The following HLA-F variants were observed in gnomAD, a reference collection of about 807,000 sequenced individuals.
HLA-F encodes the protein HLA class I histocompatibility antigen, alpha chain F.
In HLA-F, 46 loss-of-function variants were observed where a neutral mutation model predicts 49.5. The ratio of observed to expected loss-of-function variants is 0.93; its 90% CI spans 0.73 to 1.19. HLA-F has a LOEUF of 1.19. HLA-F is among the 50% of genes most tolerant of loss of function. The pLI is 0.00. For missense variants in HLA-F, 496 were observed against 579.6 expected, an observed-to-expected ratio of 0.86 and a Z score of 1.48; for synonymous variants, 203 against 233.5, an observed-to-expected ratio of 0.87 and a Z score of 1.19.
chr6:29,726,481 C>A, intron 6 of HLA-F: 1 of 1,583,392 alleles, frequency 6.3e-7, no homozygotes. Flanking sequence ...CACGAACATA[C>A]ATAAATTTTA....
chr6:29,725,886 C>A, intron 5 of HLA-F, 125 bp from the exon 6 acceptor site: 3 of 1,062,176 alleles, frequency 2.8e-6, no homozygotes, highest in Non-Finnish European at 4.3e-6. Context: ...ATTTCTTGAT[C>A]CTGCCCTGGA....
At chr6:29,728,958 C>A (rs183089807), downstream of HLA-F, 19 of 152,270 alleles carry the variant, frequency 1.2e-4, no homozygotes, top group East Asian at 3.3e-3. Context: ...TATTCTTTGA[C>A]TTTATAGAAG....
At chr6:29,726,571 G>GTC in intron 6 of HLA-F, 1 of 1,520,710 alleles carries the variant, frequency 6.6e-7, no homozygotes, top group Non-Finnish European at 8.8e-7. Flanking sequence ...GTGTGTGTGT[G>GTC]TGTGTGTGTG....
At chr6:29,726,269 G>T (rs558335959) in intron 6 of HLA-F, 11 of 1,038,858 alleles carry the variant, frequency 1.1e-5, no homozygotes, top group East Asian at 7.1e-5. Context: ...TGGGGTGTTG[G>T]GGGGGAACAG....
chr6:29,724,834 C>G (rs542033044), intron 3 of HLA-F, among the ~76,000 whole-genome samples, 197 bp from the exon 4 acceptor site: 2 of 152,268 alleles, frequency 1.3e-5, no homozygotes, highest in Admixed American at 6.5e-5. Context: ...GGCCAGAAGT[C>G]CCTGCTCCCC....
chr6:29,726,204 G>T (rs566576201), intron 6 of HLA-F, 161 bp downstream of exon 6: 21 of 937,214 alleles, frequency 2.2e-5, no homozygotes, highest in Non-Finnish European at 3.6e-5. Flanking sequence ...AGGGCTCTGG[G>T]GTGTCTCTCA....
At position 29,723,454 on chromosome 6, in the gene HLA-F, G is replaced by C. The variant is rs764799381; in HGVS notation, c.-10G>C. Reference sequence around the variant, plus strand: ...GACTCATATTTTTCCCAGACGCGGAGGTTGGGGTCATGGCGCCCCGAAGCC... The same window carrying C: ...GACTCATATTTTTCCCAGACGCGGACGTTGGGGTCATGGCGCCCCGAAGCC... On this transcript the variant is annotated 5_prime_UTR_variant, in exon 1 of 7. Coordinates refer to ENST00000259951, the MANE Select transcript of HLA-F (RefSeq NM_001098479.2). 1 of 1,613,572 alleles carries C rather than the reference G, an allele frequency of 6.2e-7. No individual in the cohort carries two copies. Among genetic ancestry groups the C allele is most frequent in the Non-Finnish European group, 8.5e-7 (1 of 1,179,980 alleles).
At chr6:29,733,253 G>C (rs1303329766) in intron 3 of HLA-F, among the ~76,000 whole-genome samples, 1 of 152,058 alleles carries the variant, frequency 6.6e-6, no homozygotes, top group African/African-American at 2.4e-5. Context: ...CCACGCAAAG[G>C]ACAGCTCCAG....
chr6:29,729,512 G>A (rs1337265347), downstream of HLA-F, among the ~76,000 whole-genome samples: 1 of 152,170 alleles, frequency 6.6e-6, no homozygotes, highest in Non-Finnish European at 1.5e-5. Flanking sequence ...ATGGTTCAAG[G>A]AACTCAACTT....
In HLA-F at chr6:29,723,978, C is replaced by A. The variant is rs556086260; in HGVS notation, c.334+51C>A. ...GGTCACGACCACCCCCCATCCGCCA[C>A]GGACCGCCCGGGTCCCTCAGAGTCT... On this transcript the variant is annotated intron_variant, in intron 2 of 6. Transcript: ENST00000259951. The A allele has an allele frequency of 3.6e-4, 559 of 1,562,680 alleles. 5 individuals are homozygous for A. In the Admixed American group the frequency reaches 0.01, roughly 29 times the overall value.
downstream of HLA-F, chr6:29,727,849 C>G: frequency 2.2e-6 from 1 of 448,176 alleles, no homozygotes. Flanking sequence ...GTTCTGAGCT[C>G]CAGACCTTCA....
exon 5 of HLA-F, chr6:29,738,481 T>G (rs1383197517): frequency 5.9e-5 from 9 of 152,208 alleles, no homozygotes. Flanking sequence ...GTCAGTAGAA[T>G]GAAATCAAAA....
chr6:29,724,151 G>A, intron 2 of HLA-F, 22 bp from the exon 3 acceptor site: 1 of 1,612,540 alleles, frequency 6.2e-7, no homozygotes, highest in Non-Finnish European at 8.5e-7. Context: ...GCTGGGCGGG[G>A]CTGACTGCGG....
intron 6 of HLA-F, chr6:29,726,611 G>A (rs568136717): frequency 2.0e-5 from 30 of 1,513,106 alleles, no homozygotes; most frequent in Non-Finnish European, 2.6e-5. Flanking sequence ...GAGAGATTAA[G>A]ATTCTTTTAA....
At chr6:29,731,394 C>T (rs984985155), downstream of HLA-F, among the ~76,000 whole-genome samples, 2 of 152,144 alleles carry the variant, frequency 1.3e-5, no homozygotes, top group African/African-American at 4.8e-5. Context: ...TGGCTCAGTC[C>T]AAGGCCAAAG....
downstream of HLA-F, among the ~76,000 whole-genome samples, chr6:29,730,444 A>C (rs1484971192): frequency 6.6e-6 from 1 of 152,198 alleles, no homozygotes; most frequent in Non-Finnish European, 1.5e-5. Context: ...TGGGATGATG[A>C]AAATGTTCTG....
downstream of HLA-F, among the ~76,000 whole-genome samples, chr6:29,729,643 A>G (rs62391819): frequency 0.05 from 7,619 of 152,342 alleles, 330 homozygotes; most frequent in East Asian, 0.17. Flanking sequence ...AAAACAATAA[A>G]TTAGACTATC....
rs1318482318 is a variant in HLA-F at position 29,726,133 on chromosome 6, C to T, written c.1036+90C>T. 2.4e-6 allele frequency: 3 copies of T among 1,274,118 alleles called. No individual in the cohort carries two copies. The African/African-American group carries it at 4.4e-5, about 19-fold the overall frequency. The allele number at this position is 1,274,118 out of a possible 1,614,324, so 78.9% of individuals were successfully genotyped here. A position where few individuals can be genotyped will look rare whatever the true frequency, so the allele number is the denominator to read the frequency against. ...CTCACCCACCCCACAGTTCCTCTAG[C>T]CACATCTGTGGGCTCTGACCAGGTC... On this transcript the variant is annotated intron_variant, in intron 6 of 6. Coordinates refer to ENST00000259951, the MANE Select transcript of HLA-F (RefSeq NM_001098479.2).
chr6:29,730,741 C>T (rs113362142), downstream of HLA-F, among the ~76,000 whole-genome samples: 1,601 of 152,202 alleles, frequency 0.011, 27 homozygotes, highest in South Asian at 0.065. Flanking sequence ...GCCTCTCAAA[C>T]GAAAATTAGG....
Sources: gnomAD v4.1 joint callset for allele counts (sites outside exome capture counted in the v4.1 genomes callset) on GRCh38, gnomAD v4.1.1 for gene constraint, MANE v1.5 for transcripts, NCBI Gene and HGNC (gene_info 2026-07-23, HGNC 2026-07-21) for gene names.